PDGFC: variants seen among roughly 807,000 people sequenced by gnomAD.
The protein encoded by PDGFC is platelet derived growth factor C.
Under a neutral mutation model 35.5 loss-of-function variants are expected in PDGFC, and 12 were observed. The observed-to-expected ratio is 0.34, with a 90% CI of 0.22 to 0.55. The LOEUF is 0.55. PDGFC is among the 20% of genes least tolerant of loss of function. PDGFC has a pLI of 0.91. For synonymous variants in PDGFC, 159 were observed against 148.8 expected (o/e 1.07, Z -0.50); for missense variants, 322 against 412.4 (o/e 0.78, Z 1.90).
At chr4:156,779,365 G>A (rs1730918573) in intron 3 of PDGFC, among the ~76,000 whole-genome samples, 1 of 152,174 alleles carries the variant, frequency 6.6e-6, no homozygotes, top group Non-Finnish European at 1.5e-5. Context: ...ATATATTTAA[G>A]TGAGAAATCC....
chr4:156,926,049 CAAAAA>C (rs397707839), intron 1 of PDGFC, among the ~76,000 whole-genome samples: 3 of 67,546 alleles, frequency 4.4e-5, no homozygotes, highest in Middle Eastern at 0.011. Flanking sequence ...AGATCTGTCT[CAAAAA>C]AAAAAAAAAA....
chr4:156,810,060 A>G (rs1391110484), intron 3 of PDGFC, among the ~76,000 whole-genome samples: 2 of 151,944 alleles, frequency 1.3e-5, no homozygotes, highest in Non-Finnish European at 2.9e-5. Context: ...AAGATACTGT[A>G]AAAGTATACT....
chr4:156,767,449 A>G (rs977099322), intron 5 of PDGFC, among the ~76,000 whole-genome samples: 1 of 151,970 alleles, frequency 6.6e-6, no homozygotes. Context: ...TTTTTCCTTC[A>G]TATTTTGAAA....
intron 1 of PDGFC, among the ~76,000 whole-genome samples, chr4:156,867,468 G>A (rs960624598): frequency 2.6e-5 from 4 of 152,212 alleles, no homozygotes; most frequent in African/African-American, 7.2e-5. Flanking sequence ...TGCTTCAGGA[G>A]ATGGTGGTAA....
chr4:156,806,793 T>G (rs1731781722), intron 3 of PDGFC, among the ~76,000 whole-genome samples: 1 of 152,160 alleles, frequency 6.6e-6, no homozygotes, highest in South Asian at 2.1e-4. Flanking sequence ...CTTATCATTT[T>G]AAATAATGGT....
At chr4:156,943,593 T>A (rs1206104738) in intron 1 of PDGFC, among the ~76,000 whole-genome samples, 1 of 152,030 alleles carries the variant, frequency 6.6e-6, no homozygotes, top group South Asian at 2.1e-4. Flanking sequence ...TTTATTGGCC[T>A]CCCTGCATCA....
intron 2 of PDGFC, among the ~76,000 whole-genome samples, chr4:156,847,339 T>C (rs1201516379): frequency 6.6e-6 from 1 of 151,784 alleles, no homozygotes; most frequent in Non-Finnish European, 1.5e-5. Flanking sequence ...ATATCACCTA[T>C]TTGGAATTCT....
intron 1 of PDGFC, among the ~76,000 whole-genome samples, chr4:156,959,794 G>A (rs904971682): frequency 2.0e-5 from 3 of 151,868 alleles, no homozygotes; most frequent in Non-Finnish European, 4.4e-5. Flanking sequence ...GATTGCAAGG[G>A]AAATGTAAAA....
chr4:156,894,536 A>T (rs1730585673), intron 1 of PDGFC, among the ~76,000 whole-genome samples: 1 of 152,202 alleles, frequency 6.6e-6, no homozygotes. Context: ...AAAATTCAGC[A>T]ATAATGCAAT....
At chr4:156,882,101 T>C (rs1730257982) in intron 1 of PDGFC, among the ~76,000 whole-genome samples, 1 of 152,134 alleles carries the variant, frequency 6.6e-6, no homozygotes, top group South Asian at 2.1e-4. Context: ...AAATTTGAAG[T>C]ATGACTGTAT....
intron 2 of PDGFC, among the ~76,000 whole-genome samples, chr4:156,812,816 C>T (rs1213566200): frequency 6.6e-6 from 1 of 152,080 alleles, no homozygotes; most frequent in Non-Finnish European, 1.5e-5. Flanking sequence ...ACATTGTTTG[C>T]ACAGAGCTGC....
At chr4:156,944,697 C>A (rs527493694) in intron 1 of PDGFC, among the ~76,000 whole-genome samples, 3 of 152,228 alleles carry the variant, frequency 2.0e-5, no homozygotes, top group South Asian at 2.1e-4. Context: ...AGTCCGCCAG[C>A]AAATACCAAC....
intron 1 of PDGFC, among the ~76,000 whole-genome samples, chr4:156,870,998 G>A (rs1286664989): frequency 1.3e-5 from 2 of 152,110 alleles, no homozygotes; most frequent in Non-Finnish European, 2.9e-5. Context: ...TTAATGCAGA[G>A]AGAAAATCCT....
rs960606978 is a variant in PDGFC, at chr4:156,762,075, T to A, written c.*1015A>T. 7.9e-5 allele frequency: 12 copies of A among 152,648 alleles called. No individual in the cohort carries two copies. Among genetic ancestry groups the A allele is most frequent in the African/African-American group, 2.2e-4 (9 of 41,460 alleles). The allele number at this position is 152,648 out of a possible 1,614,324, so 9.5% of individuals were successfully genotyped here. A position where few individuals can be genotyped will look rare whatever the true frequency, so the allele number is the denominator to read the frequency against. ...ATGGAAGATATGATAATTTAATTAT[T>A]TTCAAAAAGTCTTTGCAACTTACCA... On this transcript the variant is annotated 3_prime_UTR_variant, in exon 6 of 6. Transcript: ENST00000502773.
intron 3 of PDGFC, among the ~76,000 whole-genome samples, chr4:156,795,481 G>C (rs547567389): frequency 6.6e-6 from 1 of 151,630 alleles, no homozygotes; most frequent in South Asian, 2.1e-4. Context: ...GCAAATCCCT[G>C]TTTAAAAAAA....
intron 1 of PDGFC, among the ~76,000 whole-genome samples, chr4:156,938,697 A>C (rs560510005): frequency 4.8e-4 from 73 of 152,104 alleles, no homozygotes; most frequent in African/African-American, 1.7e-3. Context: ...CTGTGTAAGA[A>C]AATATTAAAA....
chr4:156,955,397 GA>G (rs935741392), intron 1 of PDGFC, among the ~76,000 whole-genome samples: 4 of 149,662 alleles, frequency 2.7e-5, no homozygotes, highest in South Asian at 2.1e-4. Context: ...TTTTCACCAC[GA>G]AAAAAAAAGA....
intron 3 of PDGFC, among the ~76,000 whole-genome samples, chr4:156,786,192 G>C (rs2110864072): frequency 6.6e-6 from 1 of 152,232 alleles, no homozygotes; most frequent in Non-Finnish European, 1.5e-5. Context: ...CACTCTTCTA[G>C]GTGCTGAGGA....
At position 156,763,007 on chromosome 4, in the gene PDGFC, G is replaced by T. The variant is rs1052118923; in HGVS notation, c.*83C>A. 3 of 739,862 alleles carry T rather than the reference G, an allele frequency of 4.1e-6. No homozygotes were observed. Among genetic ancestry groups the T allele is most frequent in the Admixed American group, 3.5e-5 (2 of 56,690 alleles). 45.8% of individuals were successfully genotyped at this position (739,862 alleles called of 1,614,324 possible). A position where few individuals can be genotyped will look rare whatever the true frequency, so the allele number is the denominator to read the frequency against. On this transcript the variant is annotated 3_prime_UTR_variant, in exon 6 of 6. Transcript: ENST00000502773. ...CTTGAAGCAAACAACTGAGATTAAG[G>T]ATGGAGATAACGCATACGTTCTCTA...
Sources: allele counts gnomAD v4.1 joint callset (sites outside exome capture counted in the v4.1 genomes callset), GRCh38; gene constraint gnomAD v4.1.1; transcripts MANE v1.5; gene names NCBI Gene and HGNC (gene_info 2026-07-23, HGNC 2026-07-21).